The following KCNQ3 variants were observed in gnomAD, a reference collection of about 807,000 sequenced individuals.
The protein encoded by KCNQ3 is potassium voltage-gated channel subfamily KQT member 3.
Under a neutral mutation model 92.5 loss-of-function variants are expected in KCNQ3, and 30 were observed. The observed-to-expected ratio is 0.32, with a 90% CI of 0.24 to 0.44. The LOEUF (loss-of-function observed/expected upper bound fraction) is 0.44. Among genes scored for constraint, KCNQ3 ranks in the 20% least tolerant of loss-of-function variants. The probability of loss-of-function intolerance (pLI) is 1.00; values close to 1 mark genes in which losing one functional copy is unlikely to be tolerated. For synonymous variants in KCNQ3, 450 were observed against 468.8 expected (o/e 0.96, Z 0.52); for missense variants, 913 against 1,140.3 (o/e 0.80, Z 2.87).
chr8:132,254,649 A>C (rs1366266610), intron 1 of KCNQ3, among the ~76,000 whole-genome samples: 1 of 152,158 alleles, frequency 6.6e-6, no homozygotes, highest in Non-Finnish European at 1.5e-5. Flanking sequence ...TGAGAGGCCA[A>C]GGCAGGATCA....
chr8:132,394,147 C>T (rs1448851749), intron 1 of KCNQ3, among the ~76,000 whole-genome samples: 4 of 152,216 alleles, frequency 2.6e-5, no homozygotes, highest in Admixed American at 6.5e-5. Context: ...GGGCAAGAAG[C>T]GCAAGTACTC....
At chr8:132,249,963 C>T (rs927083331) in intron 1 of KCNQ3, among the ~76,000 whole-genome samples, 4 of 152,132 alleles carry the variant, frequency 2.6e-5, no homozygotes, top group African/African-American at 4.8e-5. Flanking sequence ...AAGGACCTGC[C>T]GAGCCCATGC....
At chr8:132,244,078 G>C (rs1404210770) in intron 1 of KCNQ3, among the ~76,000 whole-genome samples, 1 of 152,088 alleles carries the variant, frequency 6.6e-6, no homozygotes, top group Non-Finnish European at 1.5e-5. Context: ...GAGGCCCCTG[G>C]TCCTCCTACA....
chr8:132,331,138 G>A (rs1225260248), intron 1 of KCNQ3, among the ~76,000 whole-genome samples: 2 of 152,134 alleles, frequency 1.3e-5, no homozygotes, highest in Non-Finnish European at 2.9e-5. Context: ...ACTGTCCTGT[G>A]CCCTTTACCA....
intron 2 of KCNQ3, among the ~76,000 whole-genome samples, chr8:132,185,615 G>A (rs1355441986): frequency 6.6e-6 from 1 of 152,234 alleles, no homozygotes. Context: ...ATGGAGGACA[G>A]AGAGTGAAAA....
chr8:132,414,960 C>A (rs1005780223), intron 1 of KCNQ3, among the ~76,000 whole-genome samples: 1 of 152,214 alleles, frequency 6.6e-6, no homozygotes, highest in Non-Finnish European at 1.5e-5. Flanking sequence ...GAGCCCCAGA[C>A]CACCTCCCGG....
intron 4 of KCNQ3, among the ~76,000 whole-genome samples, chr8:132,176,779 G>A (rs1273795411): frequency 2.0e-5 from 3 of 152,226 alleles, no homozygotes; most frequent in African/African-American, 7.2e-5. Context: ...GAAAGATAGA[G>A]TTCAGCTGTG....
intron 2 of KCNQ3, among the ~76,000 whole-genome samples, 193 bp downstream of exon 2, chr8:132,185,898 G>C (rs920586010): frequency 6.6e-6 from 1 of 152,182 alleles, no homozygotes; most frequent in African/African-American, 2.4e-5. Context: ...TACCAGGAAT[G>C]CCATTCTTCA....
At chr8:132,345,979 G>A (rs774650650) in intron 1 of KCNQ3, among the ~76,000 whole-genome samples, 22 of 151,752 alleles carry the variant, frequency 1.4e-4, no homozygotes, top group Non-Finnish European at 2.5e-4. Flanking sequence ...AATGTGATGA[G>A]TATTATGATG....
chr8:132,456,402 CT>C (rs986456178), intron 1 of KCNQ3, among the ~76,000 whole-genome samples: 3 of 152,008 alleles, frequency 2.0e-5, no homozygotes, highest in Non-Finnish European at 4.4e-5. Context: ...AGGTCCCCAG[CT>C]TAATATGTTT....
intron 1 of KCNQ3, among the ~76,000 whole-genome samples, chr8:132,322,566 T>C (rs1453127120): frequency 6.6e-6 from 1 of 152,222 alleles, no homozygotes; most frequent in Non-Finnish European, 1.5e-5. Flanking sequence ...AGGTAGGTCC[T>C]ACCTTTTATT....
intron 1 of KCNQ3, among the ~76,000 whole-genome samples, chr8:132,239,260 G>T (rs1270884343): frequency 2.6e-5 from 4 of 152,224 alleles, no homozygotes; most frequent in Admixed American, 6.5e-5. Context: ...TCGATGGGCT[G>T]ATAGCTCCTG....
chr8:132,357,007 TAACAACAAC>T (rs111426424), intron 1 of KCNQ3, among the ~76,000 whole-genome samples: 6 of 150,332 alleles, frequency 4.0e-5, no homozygotes, highest in Admixed American at 6.6e-5. Flanking sequence ...ACTATTTTAT[TAACAACAAC>T]AACAACAACA....
At chr8:132,317,945 G>A (rs1817790192) in intron 1 of KCNQ3, among the ~76,000 whole-genome samples, 1 of 152,296 alleles carries the variant, frequency 6.6e-6, no homozygotes, top group East Asian at 1.9e-4. Flanking sequence ...AATACAATGG[G>A]CAGCTACCAA....
chr8:132,181,124 G>A (rs1826754797), intron 3 of KCNQ3, among the ~76,000 whole-genome samples: 1 of 152,182 alleles, frequency 6.6e-6, no homozygotes, highest in Non-Finnish European at 1.5e-5. Flanking sequence ...GATGGCATGA[G>A]AATGTCCACT....
intron 1 of KCNQ3, among the ~76,000 whole-genome samples, chr8:132,307,610 G>C (rs1817465522): frequency 6.6e-6 from 1 of 152,172 alleles, no homozygotes; most frequent in Non-Finnish European, 1.5e-5. Context: ...ACAAAGTTTT[G>C]TTCACTGCAG....
At chr8:132,394,173 T>A (rs964887140) in intron 1 of KCNQ3, among the ~76,000 whole-genome samples, 1 of 152,244 alleles carries the variant, frequency 6.6e-6, no homozygotes, top group Non-Finnish European at 1.5e-5. Flanking sequence ...GCCTTCTATG[T>A]GCCAAGCACT....
In KCNQ3 at chr8:132,338,535, A is replaced by G. The variant is rs148854150; in HGVS notation, c.386+141612T>C. Among the ~76,000 whole-genome samples the G allele has an allele frequency of 2.2e-4, 33 of 152,272 alleles. No individual in the cohort carries two copies. The East Asian group carries it at 6.4e-3, about 29-fold the overall frequency. ...AGTGTCTGACACATATGTGCTGTTC[A>G]TTTCAATATCATCACTGTTGTTTTG... On this transcript the variant is annotated intron_variant, in intron 1 of 14. Coordinates refer to ENST00000388996, the MANE Select transcript of KCNQ3 (RefSeq NM_004519.4).
intron 1 of KCNQ3, among the ~76,000 whole-genome samples, chr8:132,354,904 G>A (rs528827134): frequency 6.6e-6 from 1 of 152,228 alleles, no homozygotes; most frequent in African/African-American, 2.4e-5. Flanking sequence ...TTCTGGGGAT[G>A]GGTTTGAGGG....
Sources: gnomAD v4.1 joint callset for allele counts (sites outside exome capture counted in the v4.1 genomes callset) on GRCh38, gnomAD v4.1.1 for gene constraint, MANE v1.5 for transcripts, NCBI Gene and HGNC (gene_info 2026-07-23, HGNC 2026-07-21) for gene names.